The following DLG2 variants were observed in gnomAD, a reference collection of about 807,000 sequenced individuals.
The protein encoded by DLG2 is disks large homolog 2.
In DLG2, 45 loss-of-function variants were observed where a neutral mutation model predicts 132.5. The ratio of observed to expected loss-of-function variants is 0.34; its 90% CI spans 0.27 to 0.44. DLG2 has a LOEUF of 0.44. Ranked by LOEUF, DLG2 falls within the 20% of genes least tolerant of loss-of-function variation. The pLI is 1.00. For synonymous variants in DLG2, 424 were observed against 419.6 expected, an observed-to-expected ratio of 1.01 and a Z score of -0.13; for missense variants, 1,045 against 1,196.9, an observed-to-expected ratio of 0.87 and a Z score of 1.87.
chr11:85,371,905 C>A (rs186781823), intron 3 of DLG2, among the ~76,000 whole-genome samples: 69 of 152,256 alleles, frequency 4.5e-4, no homozygotes, highest in African/African-American at 1.6e-3. Flanking sequence ...AATAATCAGG[C>A]CAAGTATAAG....
chr11:83,981,997 T>C (rs1236840329), intron 11 of DLG2, among the ~76,000 whole-genome samples: 1 of 152,208 alleles, frequency 6.6e-6, no homozygotes, highest in Non-Finnish European at 1.5e-5. Flanking sequence ...GAAATGGCTA[T>C]TGCCAAGTGA....
intron 11 of DLG2, among the ~76,000 whole-genome samples, chr11:84,032,544 T>A (rs1300255439): frequency 6.6e-6 from 1 of 152,124 alleles, no homozygotes; most frequent in Non-Finnish European, 1.5e-5. Context: ...AAATAAGCCA[T>A]CTCCTTAACA....
intron 3 of DLG2, among the ~76,000 whole-genome samples, chr11:85,418,173 T>C (rs1475492826): frequency 6.6e-6 from 1 of 152,222 alleles, no homozygotes; most frequent in African/African-American, 2.4e-5. Context: ...AAAGAACTTA[T>C]TTATTTCTGC....
chr11:85,263,461 C>G (rs1565233508), intron 4 of DLG2, among the ~76,000 whole-genome samples: 1 of 152,202 alleles, frequency 6.6e-6, no homozygotes, highest in Non-Finnish European at 1.5e-5. Context: ...GGATTGAGGA[C>G]TTTTGACCAG....
chr11:84,342,031 T>C (rs778958395), intron 7 of DLG2, among the ~76,000 whole-genome samples: 6 of 152,208 alleles, frequency 3.9e-5, no homozygotes, highest in African/African-American at 7.2e-5. Flanking sequence ...TTCTAACATA[T>C]ACAATGTCCT....
At chr11:85,068,996 T>C (rs1028467893) in intron 6 of DLG2, among the ~76,000 whole-genome samples, 6 of 151,876 alleles carry the variant, frequency 4.0e-5, no homozygotes, top group Non-Finnish European at 8.8e-5. Flanking sequence ...GAAATAATGC[T>C]GCATATCTAC....
intron 12 of DLG2, 99 bp from the exon 13 acceptor site, chr11:83,965,567 A>G: frequency 1.1e-6 from 1 of 950,640 alleles, no homozygotes; most frequent in Non-Finnish European, 1.6e-6. Context: ...TGTGATAATT[A>G]CTGTCCAGTA....
chr11:84,292,881 A>G (rs976521937), intron 7 of DLG2, among the ~76,000 whole-genome samples: 1 of 152,188 alleles, frequency 6.6e-6, no homozygotes, highest in Non-Finnish European at 1.5e-5. Context: ...CACACATAAA[A>G]TACAATAAAA....
At chr11:84,315,562 TTTTA>T (rs2154394493) in intron 7 of DLG2, among the ~76,000 whole-genome samples, 1 of 152,298 alleles carries the variant, frequency 6.6e-6, no homozygotes, top group East Asian at 1.9e-4. Flanking sequence ...TGTTAAGACT[TTTTA>T]TTCAGTTTGG....
chr11:85,058,067 A>C (rs2063646464), intron 6 of DLG2, among the ~76,000 whole-genome samples: 1 of 151,400 alleles, frequency 6.6e-6, no homozygotes, highest in Non-Finnish European at 1.5e-5. Context: ...TTTAGCCAGG[A>C]AAATAAGAAA....
intron 7 of DLG2, among the ~76,000 whole-genome samples, chr11:84,502,315 T>C (rs1590986828): frequency 4.3e-4 from 3 of 6,928 alleles, no homozygotes; most frequent in Admixed American, 3.0e-3. Context: ...TCTTTCTTTC[T>C]TTCTTTCTTT....
chr11:84,236,495 G>C (rs1197367197), intron 8 of DLG2, among the ~76,000 whole-genome samples: 2 of 152,190 alleles, frequency 1.3e-5, no homozygotes, highest in Non-Finnish European at 2.9e-5. Context: ...GGGGCCCTTA[G>C]GCCAAACTGC....
intron 18 of DLG2, among the ~76,000 whole-genome samples, chr11:83,637,591 C>T (rs905181246): frequency 1.3e-5 from 1 of 74,710 alleles, no homozygotes; most frequent in African/African-American, 5.6e-5. Context: ...CCTGGATCGC[C>T]GTGAAGCCAT....
chr11:85,073,493 A>G (rs1356923951), intron 6 of DLG2, among the ~76,000 whole-genome samples: 1 of 151,854 alleles, frequency 6.6e-6, no homozygotes, highest in Non-Finnish European at 1.5e-5. Flanking sequence ...GTTCCTAGTA[A>G]TAAATGGTGG....
chr11:84,863,013 C>T (rs577023177), intron 6 of DLG2, among the ~76,000 whole-genome samples: 16 of 152,088 alleles, frequency 1.1e-4, no homozygotes, highest in Non-Finnish European at 1.3e-4. Context: ...TTCTCTCCCA[C>T]CAACTCTGCT....
intron 6 of DLG2, among the ~76,000 whole-genome samples, chr11:84,776,538 C>A (rs558370069): frequency 1.8e-4 from 27 of 152,242 alleles, no homozygotes; most frequent in African/African-American, 6.3e-4. Flanking sequence ...CCCAAAAGTT[C>A]TTTTATGTAT....
At position 84,296,986 on chromosome 11, in the gene DLG2, T is replaced by G. The variant is rs138231094; in HGVS notation, c.520-45695A>C. 1.6e-3 allele frequency among the ~76,000 whole-genome samples: 246 copies of G among 152,160 alleles called. 1 individual carries two copies. Among genetic ancestry groups the G allele is most frequent in the African/African-American group, 5.8e-3 (241 of 41,520 alleles). On this transcript the variant is annotated intron_variant, in intron 7 of 27. Transcript: ENST00000376104. ...GGGGGGAAAGGGTCAATAGCAGATA[T>G]TGGGTGGGGATGATCTACAGCCTGT...
At chr11:83,706,581 T>A (rs1358832897) in intron 18 of DLG2, among the ~76,000 whole-genome samples, 1 of 152,200 alleles carries the variant, frequency 6.6e-6, no homozygotes, top group Non-Finnish European at 1.5e-5. Flanking sequence ...GCAGTGATCC[T>A]GAGAAGAGGA....
chr11:85,486,579 G>A (rs964469376), intron 3 of DLG2, among the ~76,000 whole-genome samples: 2 of 152,070 alleles, frequency 1.3e-5, no homozygotes, highest in Middle Eastern at 3.4e-3. Flanking sequence ...AAGATTTGAG[G>A]TCAGGCTGAC....
Sources: gnomAD v4.1 joint callset for allele counts (sites outside exome capture counted in the v4.1 genomes callset) on GRCh38, gnomAD v4.1.1 for gene constraint, MANE v1.5 for transcripts, NCBI Gene and HGNC (gene_info 2026-07-23, HGNC 2026-07-21) for gene names.